Variants in TIAM1 observed in about 807,000 individuals in gnomAD.
TIAM1 encodes the protein TIAM Rac1 associated GEF 1.
TIAM1 carries 65 observed loss-of-function variants against 163.5 expected under a neutral mutation model. That is an observed-to-expected ratio of 0.40 (90% CI 0.33 to 0.49). The LOEUF (loss-of-function observed/expected upper bound fraction) is 0.49. Among genes scored for constraint, TIAM1 ranks in the 20% least tolerant of loss-of-function variants. The pLI is 0.77. For missense variants in TIAM1, 1,789 were observed against 2,044.7 expected (o/e 0.87, Z 2.41); for synonymous variants, 833 against 810.1 (o/e 1.03, Z -0.48).
At chr21:31,227,838 T>C (rs1309697182) in intron 6 of TIAM1, among the ~76,000 whole-genome samples, 1 of 152,152 alleles carries the variant, frequency 6.6e-6, no homozygotes, top group African/African-American at 2.4e-5. Flanking sequence ...TGATGTACTG[T>C]ACAAAGCTTG....
At chr21:31,449,541 G>C (rs1032171320) in intron 2 of TIAM1, among the ~76,000 whole-genome samples, 1 of 151,736 alleles carries the variant, frequency 6.6e-6, no homozygotes, top group Non-Finnish European at 1.5e-5. Context: ...ACCACACCCA[G>C]CTAATTTTTT....
intron 2 of TIAM1, among the ~76,000 whole-genome samples, chr21:31,316,897 T>A (rs1019454723): frequency 2.6e-5 from 4 of 152,188 alleles, no homozygotes; most frequent in Non-Finnish European, 5.9e-5. Context: ...GGAGGCCTGT[T>A]ATCCAGTGCC....
At chr21:31,407,177 T>C (rs2077261854) in intron 2 of TIAM1, among the ~76,000 whole-genome samples, 1 of 152,098 alleles carries the variant, frequency 6.6e-6, no homozygotes, top group Non-Finnish European at 1.5e-5. Flanking sequence ...GCCTAATGCA[T>C]GGTTTTCAAG....
intron 16 of TIAM1, among the ~76,000 whole-genome samples, 193 bp from the exon 17 acceptor site, chr21:31,154,619 T>G (rs1389505448): frequency 6.6e-6 from 1 of 152,204 alleles, no homozygotes; most frequent in Non-Finnish European, 1.5e-5. Context: ...TAACAATTGC[T>G]AACATACACT....
At chr21:31,439,442 A>G (rs2044341066) in intron 2 of TIAM1, among the ~76,000 whole-genome samples, 1 of 152,122 alleles carries the variant, frequency 6.6e-6, no homozygotes, top group Non-Finnish European at 1.5e-5. Flanking sequence ...GGCATGCACC[A>G]CCATGTCCAG....
chr21:31,329,175 GACA>G (rs1214219105), intron 2 of TIAM1, among the ~76,000 whole-genome samples: 1 of 152,174 alleles, frequency 6.6e-6, no homozygotes, highest in African/African-American at 2.4e-5. Context: ...AATACGCAGG[GACA>G]ACATCTCTTG....
intron 6 of TIAM1, among the ~76,000 whole-genome samples, chr21:31,228,026 C>T (rs1321698117): frequency 6.6e-6 from 1 of 151,442 alleles, no homozygotes; most frequent in African/African-American, 2.4e-5. Flanking sequence ...CCTCAGCCTC[C>T]CGAGTAGCTG....
chr21:31,525,809 G>A (rs575854959), intron 1 of TIAM1, among the ~76,000 whole-genome samples: 1 of 152,126 alleles, frequency 6.6e-6, no homozygotes, highest in South Asian at 2.1e-4. Context: ...TGAGATGGGT[G>A]GATCATTTGA....
upstream of TIAM1, among the ~76,000 whole-genome samples, chr21:31,347,423 G>C (rs1339955640): frequency 6.6e-6 from 1 of 152,220 alleles, no homozygotes; most frequent in Non-Finnish European, 1.5e-5. Flanking sequence ...AACACTAGTA[G>C]ACAAGTGGGC....
intron 6 of TIAM1, among the ~76,000 whole-genome samples, chr21:31,240,448 A>G (rs1367023765): frequency 1.3e-5 from 2 of 152,156 alleles, no homozygotes; most frequent in African/African-American, 4.8e-5. Context: ...CCTCATCTAT[A>G]CAATCACATG....
chr21:31,313,274 C>CA (rs2074996467), intron 2 of TIAM1, among the ~76,000 whole-genome samples: 1 of 152,132 alleles, frequency 6.6e-6, no homozygotes. Context: ...ATGATACCTA[C>CA]AAAAAGTACT....
chr21:31,245,397 A>AAAAATT, intron 6 of TIAM1, 91 bp downstream of exon 6: 2 of 692,926 alleles, frequency 2.9e-6, no homozygotes, highest in Non-Finnish European at 2.0e-6. Flanking sequence ...AAAAAAAAAA[A>AAAAATT]GCAGTGGAGG....
chr21:31,440,735 G>T (rs2044388353), intron 2 of TIAM1, among the ~76,000 whole-genome samples: 1 of 152,170 alleles, frequency 6.6e-6, no homozygotes, highest in African/African-American at 2.4e-5. Flanking sequence ...ACAAAAATTA[G>T]CTGGGTGTGG....
At chr21:31,243,177 A>G (rs1406703281) in intron 6 of TIAM1, among the ~76,000 whole-genome samples, 1 of 136,722 alleles carries the variant, frequency 7.3e-6, no homozygotes, top group African/African-American at 2.7e-5. Flanking sequence ...GGGCAACAAA[A>G]GCAAAACTTC....
chr21:31,471,003 T>C (rs1231674823), intron 1 of TIAM1, among the ~76,000 whole-genome samples: 1 of 152,116 alleles, frequency 6.6e-6, no homozygotes, highest in Non-Finnish European at 1.5e-5. Flanking sequence ...TCAGTGACAT[T>C]TGCAAAGCTC....
chr21:31,451,714 T>TGC (rs1479643171), intron 2 of TIAM1, among the ~76,000 whole-genome samples: 46 of 60,600 alleles, frequency 7.6e-4, no homozygotes, highest in African/African-American at 2.7e-3. Flanking sequence ...AAAGCATGTG[T>TGC]GTGCGTGTGT....
intron 1 of TIAM1, among the ~76,000 whole-genome samples, chr21:31,495,978 A>C (rs2046627047): frequency 6.6e-6 from 1 of 151,954 alleles, no homozygotes; most frequent in African/African-American, 2.4e-5. Context: ...AAAAAAAAAA[A>C]AGATTACAAT....
rs971970891 is a variant in TIAM1 at position 31,504,297 on chromosome 21, G to A, written c.-421-40262C>T. 7.2e-5 allele frequency among the ~76,000 whole-genome samples: 11 copies of A among 152,328 alleles called. No homozygotes were observed. The East Asian group carries it at 1.9e-3, about 27-fold the overall frequency. ...TGATTTAATCTTCACAGAGATGCAA[G>A]GGTGCATCCAGAAGAGGGGGCATGG... On this transcript the variant is annotated intron_variant, in intron 1 of 28. Coordinates refer to the TIAM1 transcript ENST00000286827.
At position 31,423,854 on chromosome 21, in the gene TIAM1, C is replaced by CGGGGGG. The variant is rs1244509919; in HGVS notation, c.-369+40123_-369+40128dup. On this transcript the variant is annotated intron_variant, in intron 2 of 28. Transcript: ENST00000286827. ...AGAAAGAAAGTAAATTAATGATTATCGGGGGGGGCGGGGGGGGGGTCAAGG... is the reference window on the plus strand; with the variant it reads ...AGAAAGAAAGTAAATTAATGATTATCGGGGGGGGGGGGGGCGGGGGGGGGGTCAAGG... 8.1e-5 allele frequency among the ~76,000 whole-genome samples: 2 copies of CGGGGGG among 24,754 alleles called. 1 individual carries two copies. The highest frequency in any genetic ancestry group is 3.8e-4 in the Non-Finnish European group (2 of 5,252). The allele number at this position is 24,754 out of a possible 152,430, so 16.2% of individuals were successfully genotyped here. A position where few individuals can be genotyped will look rare whatever the true frequency, so the allele number is the denominator to read the frequency against.
Sources: gnomAD v4.1 joint callset for allele counts (sites outside exome capture counted in the v4.1 genomes callset) on GRCh38, gnomAD v4.1.1 for gene constraint, MANE v1.5 for transcripts, NCBI Gene and HGNC (gene_info 2026-07-23, HGNC 2026-07-21) for gene names.